The following RRAGD variants were observed in gnomAD, a reference collection of about 807,000 sequenced individuals.
RRAGD encodes Ras related GTP binding D.
Under a neutral mutation model 35.5 loss-of-function variants are expected in RRAGD, and 12 were observed. That is an observed-to-expected ratio of 0.34 (90% CI 0.22 to 0.55). The LOEUF (loss-of-function observed/expected upper bound fraction) is 0.55. RRAGD is among the 20% of genes least tolerant of loss of function. The pLI, the probability that RRAGD is intolerant of heterozygous loss-of-function variation, is 0.91. For synonymous variants in RRAGD, 155 were observed against 178.9 expected (o/e 0.87, Z 1.07); for missense variants, 324 against 490.1 (o/e 0.66, Z 3.20).
intron 1 of RRAGD, among the ~76,000 whole-genome samples, chr6:89,396,990 C>T (rs1582519597): frequency 2.0e-5 from 3 of 152,032 alleles, no homozygotes; most frequent in Non-Finnish European, 4.4e-5. Flanking sequence ...ATCCACCCAC[C>T]TCGGCCTCCC....
intron 1 of RRAGD, among the ~76,000 whole-genome samples, chr6:89,396,586 T>C (rs992158001): frequency 2.6e-5 from 4 of 151,900 alleles, no homozygotes; most frequent in African/African-American, 9.7e-5. Flanking sequence ...CCCATCATGC[T>C]GAGCTAATTT....
rs1364759877 is a variant in RRAGD, at chr6:89,368,056, C to T, written c.1203G>A (p.Ter401=). Residue 401 remains the stop codon, a stop_retained_variant, in exon 7 of 7, where the codon TAG becomes TAA. Coordinates refer to ENST00000369415, the MANE Select transcript of RRAGD (RefSeq NM_021244.5). ...TCAAAAGACATTCCTGAAACCTCAC[C>T]TACAGCAGCACTCTAGGGGTCCCAT... ...TPNGTPRVLL[*] The T allele has an allele frequency of 1.3e-6, 2 of 1,598,682 alleles. No homozygotes were observed. Among genetic ancestry groups the T allele is most frequent in the Non-Finnish European group, 1.7e-6 (2 of 1,173,426 alleles).
chr6:89,401,959 G>A (rs1206473190), intron 1 of RRAGD, among the ~76,000 whole-genome samples: 1 of 151,632 alleles, frequency 6.6e-6, no homozygotes, highest in Non-Finnish European at 1.5e-5. Flanking sequence ...TTAGTTGATG[G>A]AGAGGTGACA....
At chr6:89,395,553 T>C (rs75766736) in intron 1 of RRAGD, among the ~76,000 whole-genome samples, 9,208 of 152,312 alleles carry the variant, frequency 0.06, 371 homozygotes, top group Non-Finnish European at 0.085. Flanking sequence ...TGAAAACCTT[T>C]GATATTCCCT....
At chr6:89,401,110 T>A (rs1030234725) in intron 1 of RRAGD, among the ~76,000 whole-genome samples, 3 of 151,962 alleles carry the variant, frequency 2.0e-5, no homozygotes, top group Admixed American at 6.6e-5. Context: ...AGGAGTAATA[T>A]CTGAGTCTTA....
chr6:89,369,146 T>G (rs1768815889), intron 6 of RRAGD, among the ~76,000 whole-genome samples: 1 of 152,160 alleles, frequency 6.6e-6, no homozygotes, highest in African/African-American at 2.4e-5. Context: ...GGGCACCGTC[T>G]CGGTTTCCAG....
intron 2 of RRAGD, among the ~76,000 whole-genome samples, chr6:89,386,592 A>C (rs976750463): frequency 6.6e-6 from 1 of 152,236 alleles, no homozygotes; most frequent in East Asian, 1.9e-4. Context: ...AGGGGATATA[A>C]CTTGGAAGGA....
rs150316483 is a variant in RRAGD, at chr6:89,386,210, G to A, written c.444+1085C>T. Reference sequence around the variant, plus strand: ...CTTCAGGCTGGGCCATATGTCATGGGCATTTTCTAAGAGCCCCAGACATGG... The same window carrying A: ...CTTCAGGCTGGGCCATATGTCATGGACATTTTCTAAGAGCCCCAGACATGG... On this transcript the variant is annotated intron_variant, in intron 2 of 6. Coordinates refer to ENST00000369415, the MANE Select transcript of RRAGD (RefSeq NM_021244.5). Among the ~76,000 whole-genome samples, 131 of 152,280 alleles carry A rather than the reference G, an allele frequency of 8.6e-4. 1 individual carries two copies. The highest frequency in any genetic ancestry group is 8.2e-3 in the Admixed American group (125 of 15,294).
chr6:89,403,409 C>T (rs1476535779), intron 1 of RRAGD, among the ~76,000 whole-genome samples: 3 of 151,606 alleles, frequency 2.0e-5, no homozygotes, highest in Admixed American at 6.6e-5. Flanking sequence ...CGCGCCACTG[C>T]ACCCCAGCCT....
At chr6:89,395,735 C>CA (rs1332662589) in intron 1 of RRAGD, among the ~76,000 whole-genome samples, 1 of 152,000 alleles carries the variant, frequency 6.6e-6, no homozygotes, top group East Asian at 1.9e-4. Flanking sequence ...GTTGGTTAGA[C>CA]AAAAAATATG....
intron 6 of RRAGD, among the ~76,000 whole-genome samples, chr6:89,370,131 A>G (rs1231619749): frequency 6.6e-6 from 1 of 152,206 alleles, no homozygotes; most frequent in African/African-American, 2.4e-5. Flanking sequence ...AAAGTCATTT[A>G]TATTTTCTAG....
At position 89,366,455 on chromosome 6, in the gene RRAGD, C is replaced by T. The variant is rs1266318539; in HGVS notation, c.*1601G>A. 1 of 151,266 alleles carries T rather than the reference C, an allele frequency of 6.6e-6. No individual in the cohort carries two copies. The highest frequency in any genetic ancestry group is 2.1e-4 in the South Asian group (1 of 4,782). The allele number at this position is 151,266 out of a possible 1,614,324, so 9.4% of individuals were successfully genotyped here. A position where few individuals can be genotyped will look rare whatever the true frequency, so the allele number is the denominator to read the frequency against. ...GCTGAGGTGGAAGGATCCCTTGAGC[C>T]CAAGAGGTAACAGTGAGCTATGATT... On this transcript the variant is annotated 3_prime_UTR_variant, in exon 7 of 7. Coordinates refer to ENST00000369415, the MANE Select transcript of RRAGD (RefSeq NM_021244.5).
chr6:89,387,135 G>A (rs1226756238), intron 2 of RRAGD, among the ~76,000 whole-genome samples, 160 bp downstream of exon 2: 1 of 152,140 alleles, frequency 6.6e-6, no homozygotes, highest in African/African-American at 2.4e-5. Context: ...TGTTGGTCAC[G>A]GCTGGAGCCT....
At chr6:89,376,844 T>G (rs1768957153) in intron 5 of RRAGD, among the ~76,000 whole-genome samples, 1 of 152,122 alleles carries the variant, frequency 6.6e-6, no homozygotes, top group Non-Finnish European at 1.5e-5. Context: ...GAACCTCAGT[T>G]TTTTCATCTG....
chr6:89,377,554 T>C (rs1469464449), intron 5 of RRAGD, 117 bp downstream of exon 5: 1 of 906,432 alleles, frequency 1.1e-6, no homozygotes, highest in African/African-American at 1.7e-5. Context: ...TATTTATAGA[T>C]TTCAGTCATT....
At chr6:89,377,371 C>A (rs534239981) in intron 5 of RRAGD, among the ~76,000 whole-genome samples, 1 of 152,144 alleles carries the variant, frequency 6.6e-6, no homozygotes, top group Non-Finnish European at 1.5e-5. Flanking sequence ...CCCAGCTACT[C>A]GAGAGGCTGA....
chr6:89,381,341 A>G (rs1192382436), intron 2 of RRAGD, among the ~76,000 whole-genome samples: 1 of 152,188 alleles, frequency 6.6e-6, no homozygotes, highest in Admixed American at 6.5e-5. Context: ...CCTGGTCTAG[A>G]GGAATTGCCC....
At chr6:89,379,979 C>T (rs1005583598) in intron 3 of RRAGD, among the ~76,000 whole-genome samples, 189 bp downstream of exon 3, 1 of 152,182 alleles carries the variant, frequency 6.6e-6, no homozygotes, top group East Asian at 1.9e-4. Context: ...AAAAAAACAT[C>T]GCTTTCACTA....
At chr6:89,376,530 T>C (rs989421980) in intron 5 of RRAGD, among the ~76,000 whole-genome samples, 3 of 152,150 alleles carry the variant, frequency 2.0e-5, no homozygotes, top group African/African-American at 7.2e-5. Context: ...GGATGTCAGA[T>C]ACAATACAGA....
Sources: allele counts gnomAD v4.1 joint callset (sites outside exome capture counted in the v4.1 genomes callset), GRCh38; gene constraint gnomAD v4.1.1; transcripts MANE v1.5; gene names NCBI Gene and HGNC (gene_info 2026-07-23, HGNC 2026-07-21).